The following ERGIC1 variants were observed in gnomAD, a reference collection of about 807,000 sequenced individuals.
ERGIC1 encodes endoplasmic reticulum-Golgi intermediate compartment protein 1.
In ERGIC1, 19 loss-of-function variants were observed where a neutral mutation model predicts 38.3. The ratio of observed to expected loss-of-function variants is 0.50; its 90% CI spans 0.35 to 0.73. The LOEUF (loss-of-function observed/expected upper bound fraction) is 0.73. Among genes scored for constraint, ERGIC1 ranks in the 30% least tolerant of loss-of-function variants. ERGIC1 has a pLI of 0.01. For synonymous variants in ERGIC1, 124 were observed against 157.6 expected, an observed-to-expected ratio of 0.79 and a Z score of 1.60; for missense variants, 294 against 389.2, an observed-to-expected ratio of 0.76 and a Z score of 2.06.
intron 7 of ERGIC1, among the ~76,000 whole-genome samples, chr5:172,931,430 C>T (rs777455159): frequency 9.2e-5 from 14 of 152,212 alleles, no homozygotes; most frequent in African/African-American, 1.4e-4. Flanking sequence ...AGGCCCTGCA[C>T]GGGGCTCTGG....
intron 1 of ERGIC1, among the ~76,000 whole-genome samples, chr5:172,868,276 A>G (rs1761921346): frequency 6.6e-6 from 1 of 152,236 alleles, no homozygotes; most frequent in Non-Finnish European, 1.5e-5. Context: ...CATGCAGCTA[A>G]TGCATGAGAC....
chr5:172,909,825 A>G, intron 4 of ERGIC1, 64 bp downstream of exon 4: 1 of 1,393,706 alleles, frequency 7.2e-7, no homozygotes, highest in South Asian at 1.2e-5. Flanking sequence ...GTGTGTGTGC[A>G]GAAATGGCAA....
intron 1 of ERGIC1, among the ~76,000 whole-genome samples, chr5:172,854,885 T>C (rs996124245): frequency 2.0e-5 from 3 of 152,252 alleles, no homozygotes; most frequent in Non-Finnish European, 4.4e-5. Flanking sequence ...ACTTAAGTCT[T>C]GTTTATATCC....
chr5:172,914,948 C>A (rs373536589), intron 5 of ERGIC1, 110 bp downstream of exon 5: 2 of 1,526,374 alleles, frequency 1.3e-6, no homozygotes, highest in African/African-American at 1.4e-5. Context: ...CTGACACAGC[C>A]CCCAGCAAGC....
intron 8 of ERGIC1, chr5:172,934,802 A>C: frequency 3.5e-6 from 1 of 281,914 alleles, no homozygotes; most frequent in Non-Finnish European, 7.1e-6. Flanking sequence ...GCCATGGGCC[A>C]CCACAGTGGA....
chr5:172,919,986 A>G (rs915493361), intron 5 of ERGIC1, among the ~76,000 whole-genome samples: 1 of 152,218 alleles, frequency 6.6e-6, no homozygotes, highest in African/African-American at 2.4e-5. Flanking sequence ...ACTGAGGCAC[A>G]GGAGGTTAAG....
At chr5:172,908,355 G>GGGGGGGC (rs1438395126) in intron 3 of ERGIC1, among the ~76,000 whole-genome samples, 1 of 63,944 alleles carries the variant, frequency 1.6e-5, no homozygotes, top group Non-Finnish European at 2.9e-5. Flanking sequence ...GGGGGGGGTG[G>GGGGGGGC]ATCATGAGGT....
chr5:172,913,049 G>T (rs573233722), intron 4 of ERGIC1, among the ~76,000 whole-genome samples: 40 of 103,888 alleles, frequency 3.9e-4, no homozygotes, highest in Non-Finnish European at 6.7e-4. Context: ...GATTACCGGC[G>T]TGAGCCACTG....
intron 1 of ERGIC1, among the ~76,000 whole-genome samples, chr5:172,839,596 T>TACACAC (rs1561696668): frequency 1.3e-5 from 2 of 150,680 alleles, no homozygotes; most frequent in East Asian, 1.9e-4. Context: ...CACACACACA[T>TACACAC]ACACACACAT....
intron 1 of ERGIC1, among the ~76,000 whole-genome samples, chr5:172,857,058 C>T (rs1197451427): frequency 2.0e-5 from 3 of 152,146 alleles, no homozygotes; most frequent in Non-Finnish European, 4.4e-5. Flanking sequence ...GTGTTGGGGC[C>T]CCAAGGCCAC....
At chr5:172,941,002 G>A (rs1431528799) in intron 9 of ERGIC1, among the ~76,000 whole-genome samples, 1 of 152,182 alleles carries the variant, frequency 6.6e-6, no homozygotes, top group African/African-American at 2.4e-5. Flanking sequence ...TTTTCAGCTG[G>A]GCGCGGTGGC....
chr5:172,905,468 C>A, intron 3 of ERGIC1: 1 of 465,904 alleles, frequency 2.1e-6, no homozygotes. Flanking sequence ...GAACGTTGGG[C>A]CATGCGGTGA....
chr5:172,943,081 T>G (rs1764046637), intron 9 of ERGIC1, among the ~76,000 whole-genome samples: 1 of 152,172 alleles, frequency 6.6e-6, no homozygotes, highest in South Asian at 2.1e-4. Context: ...CCTGTGACTG[T>G]GGACAAGTCA....
chr5:172,924,869 A>G (rs1763614863), intron 6 of ERGIC1, among the ~76,000 whole-genome samples: 1 of 152,196 alleles, frequency 6.6e-6, no homozygotes, highest in African/African-American at 2.4e-5. Flanking sequence ...CAGGCCTTGC[A>G]TACCTTGGTG....
chr5:172,911,146 C>T (rs993392805), intron 4 of ERGIC1, among the ~76,000 whole-genome samples: 1 of 152,160 alleles, frequency 6.6e-6, no homozygotes, highest in Non-Finnish European at 1.5e-5. Flanking sequence ...AAGGACACAG[C>T]TGAGAGAACA....
intron 7 of ERGIC1, among the ~76,000 whole-genome samples, chr5:172,929,941 A>G (rs1285204700): frequency 6.6e-6 from 1 of 152,202 alleles, no homozygotes; most frequent in Non-Finnish European, 1.5e-5. Flanking sequence ...TAATCCCAGC[A>G]CTTTGGGAGG....
At chr5:172,876,386 A>G (rs1371155701) in intron 1 of ERGIC1, among the ~76,000 whole-genome samples, 2 of 152,252 alleles carry the variant, frequency 1.3e-5, no homozygotes, top group Admixed American at 1.3e-4. Context: ...ATTTTATACC[A>G]AGAAAAAAAG....
At chr5:172,878,233 T>G (rs1415124896) in intron 1 of ERGIC1, among the ~76,000 whole-genome samples, 1 of 152,064 alleles carries the variant, frequency 6.6e-6, no homozygotes, top group South Asian at 2.1e-4. Flanking sequence ...GAGAAAACCT[T>G]ATATGCGTTG....
At chr5:172,924,440 G>C (rs550921613) in intron 6 of ERGIC1, among the ~76,000 whole-genome samples, 1 of 152,202 alleles carries the variant, frequency 6.6e-6, no homozygotes, top group Non-Finnish European at 1.5e-5. Flanking sequence ...ACAAGGGCTC[G>C]CTTGGCAGCT....
Sources: allele counts gnomAD v4.1 joint callset (sites outside exome capture counted in the v4.1 genomes callset), GRCh38; gene constraint gnomAD v4.1.1; transcripts MANE v1.5; gene names NCBI Gene and HGNC (gene_info 2026-07-23, HGNC 2026-07-21).